Variants in SORCS2 observed in about 807,000 individuals in gnomAD.
SORCS2 encodes the protein VPS10 domain-containing receptor SorCS2.
Under a neutral mutation model 141.6 loss-of-function variants are expected in SORCS2, and 100 were observed. That is an observed-to-expected ratio of 0.71 (90% confidence interval 0.60 to 0.83). SORCS2 has a LOEUF of 0.83. SORCS2 is among the 40% of genes least tolerant of loss of function. The pLI is 0.00. For missense variants in SORCS2, 1,646 were observed against 1,560.2 expected (o/e 1.05, Z -0.93); for synonymous variants, 789 against 676.9 (o/e 1.17, Z -2.57).
chr4:7,246,614 G>A (rs959704000), intron 1 of SORCS2, among the ~76,000 whole-genome samples: 1 of 152,206 alleles, frequency 6.6e-6, no homozygotes, highest in African/African-American at 2.4e-5. Context: ...AGGGACTGGG[G>A]TTTCTGTTCC....
chr4:7,652,255 C>T (rs928016201), intron 4 of SORCS2, among the ~76,000 whole-genome samples: 1 of 152,182 alleles, frequency 6.6e-6, no homozygotes, highest in Non-Finnish European at 1.5e-5. Flanking sequence ...CCCTTTCCCA[C>T]GGGCCACTGT....
chr4:7,558,138 C>T (rs1013076874), intron 3 of SORCS2, among the ~76,000 whole-genome samples: 1 of 152,182 alleles, frequency 6.6e-6, no homozygotes, highest in African/African-American at 2.4e-5. Context: ...AATCAGTCAC[C>T]TCTTCTTCAA....
At chr4:7,339,802 C>CATA (rs1386850791) in intron 1 of SORCS2, among the ~76,000 whole-genome samples, 3 of 152,174 alleles carry the variant, frequency 2.0e-5, no homozygotes, top group Admixed American at 1.3e-4. Context: ...CAGACGTGTT[C>CATA]ATATTTGCAA....
At chr4:7,477,536 C>T (rs926499213) in intron 2 of SORCS2, among the ~76,000 whole-genome samples, 1 of 152,086 alleles carries the variant, frequency 6.6e-6, no homozygotes, top group African/African-American at 2.4e-5. Context: ...TTCAAGCCTG[C>T]ACATGCTCAA....
At chr4:7,672,498 CTT>C (rs1722859150) in intron 8 of SORCS2, among the ~76,000 whole-genome samples, 1 of 152,158 alleles carries the variant, frequency 6.6e-6, no homozygotes, top group Admixed American at 6.5e-5. Flanking sequence ...TGTTTTTAAA[CTT>C]TTCCAAAATT....
At chr4:7,399,036 G>A (rs1402478982) in intron 2 of SORCS2, among the ~76,000 whole-genome samples, 2 of 151,914 alleles carry the variant, frequency 1.3e-5, no homozygotes, top group African/African-American at 4.8e-5. Flanking sequence ...GCAGGAAGGG[G>A]ACGGCATCAT....
intron 2 of SORCS2, among the ~76,000 whole-genome samples, chr4:7,419,169 C>T (rs186044828): frequency 6.6e-6 from 1 of 152,138 alleles, no homozygotes. Flanking sequence ...GGATGAATTG[C>T]AGCCATTTTT....
At chr4:7,276,690 C>A (rs563973621) in intron 1 of SORCS2, among the ~76,000 whole-genome samples, 1 of 152,150 alleles carries the variant, frequency 6.6e-6, no homozygotes, top group Non-Finnish European at 1.5e-5. Flanking sequence ...CCAGCCCTTC[C>A]GGACTTCCAG....
intron 1 of SORCS2, among the ~76,000 whole-genome samples, chr4:7,369,203 C>A (rs111907598): frequency 6.6e-6 from 1 of 152,136 alleles, no homozygotes; most frequent in Non-Finnish European, 1.5e-5. Flanking sequence ...CCCAGCTAGT[C>A]GGGAAGCTGA....
At chr4:7,353,317 C>G (rs2109010068) in intron 1 of SORCS2, among the ~76,000 whole-genome samples, 2 of 152,270 alleles carry the variant, frequency 1.3e-5, no homozygotes, top group South Asian at 4.1e-4. Flanking sequence ...CTCCCAGGGC[C>G]CAGAGGGAAG....
intron 2 of SORCS2, among the ~76,000 whole-genome samples, chr4:7,477,188 G>A (rs1445553557): frequency 2.0e-5 from 3 of 151,580 alleles, no homozygotes; most frequent in East Asian, 1.9e-4. Flanking sequence ...TAGATAAGAC[G>A]TGGCCTCCGG....
chr4:7,356,900 C>T (rs879785859), intron 1 of SORCS2, among the ~76,000 whole-genome samples: 4 of 152,210 alleles, frequency 2.6e-5, no homozygotes, highest in Admixed American at 6.5e-5. Flanking sequence ...TGTCCTGGGG[C>T]GACCAGCCAG....
At chr4:7,263,402 C>T (rs184664108) in intron 1 of SORCS2, among the ~76,000 whole-genome samples, 10 of 152,038 alleles carry the variant, frequency 6.6e-5, no homozygotes, top group African/African-American at 9.6e-5. Flanking sequence ...AGAAAGCACC[C>T]GTCATTCTGG....
intron 3 of SORCS2, among the ~76,000 whole-genome samples, chr4:7,597,443 T>C (rs1577813446): frequency 7.8e-6 from 1 of 128,262 alleles, no homozygotes; most frequent in East Asian, 2.4e-4. Context: ...GGGGAGGAGG[T>C]TACTGCAATA....
intron 1 of SORCS2, among the ~76,000 whole-genome samples, chr4:7,252,443 T>C (rs1469328258): frequency 3.3e-5 from 5 of 152,254 alleles, no homozygotes; most frequent in African/African-American, 7.2e-5. Context: ...TGGTCCGTGC[T>C]TCTCACCCCC....
At chr4:7,321,859 C>T (rs1380495318) in intron 1 of SORCS2, among the ~76,000 whole-genome samples, 1 of 152,188 alleles carries the variant, frequency 6.6e-6, no homozygotes, top group African/African-American at 2.4e-5. Flanking sequence ...GGATAGTTCC[C>T]ACCCTCTGGG....
At chr4:7,461,137 G>T (rs1729281175) in intron 2 of SORCS2, among the ~76,000 whole-genome samples, 1 of 151,964 alleles carries the variant, frequency 6.6e-6, no homozygotes, top group Non-Finnish European at 1.5e-5. Context: ...AGGATGCGGT[G>T]ATTCGATCAG....
intron 3 of SORCS2, among the ~76,000 whole-genome samples, chr4:7,539,914 A>C (rs1326062602): frequency 1.6e-5 from 2 of 122,794 alleles, no homozygotes; most frequent in African/African-American, 6.5e-5. Flanking sequence ...CCTGTTGTGG[A>C]GGCCCCACCC....
intron 9 of SORCS2, among the ~76,000 whole-genome samples, chr4:7,678,128 C>A (rs1464043643): frequency 1.3e-5 from 2 of 152,232 alleles, no homozygotes; most frequent in East Asian, 3.9e-4. Flanking sequence ...CGGCTCCCAG[C>A]TGTGGCTCTG....
Sources: allele counts gnomAD v4.1 joint callset (sites outside exome capture counted in the v4.1 genomes callset), GRCh38; gene constraint gnomAD v4.1.1; transcripts MANE v1.5; gene names NCBI Gene and HGNC (gene_info 2026-07-23, HGNC 2026-07-21).